GALNT13: variants seen among roughly 807,000 people sequenced by gnomAD.
GALNT13 encodes the protein UDP-GalNAc:polypeptide N-acetylgalactosaminyltransferase 13.
Under a neutral mutation model 64.2 loss-of-function variants are expected in GALNT13, and 28 were observed. The observed-to-expected ratio is 0.44, with a 90% CI of 0.32 to 0.60. GALNT13 has a LOEUF of 0.60. GALNT13 is among the 20% of genes least tolerant of loss of function. GALNT13 has a pLI of 0.05. For missense variants in GALNT13, 577 were observed against 669.8 expected (o/e 0.86, Z 1.53); for synonymous variants, 214 against 224.6 (o/e 0.95, Z 0.42).
the GALNT13 span, among the ~76,000 whole-genome samples, chr2:153,269,257 G>A: frequency 6.6e-6 from 1 of 152,122 alleles, no homozygotes; most frequent in Admixed American, 6.5e-5. Flanking sequence ...GAATCAGCCA[G>A]GTAACCTCTT....
the GALNT13 span, among the ~76,000 whole-genome samples, chr2:153,735,898 G>C: frequency 6.6e-6 from 1 of 152,144 alleles, no homozygotes; most frequent in Non-Finnish European, 1.5e-5. Context: ...TGTTAACTCT[G>C]ATCACTGATC....
chr2:153,778,402 G>A, the GALNT13 span, among the ~76,000 whole-genome samples: 827 of 152,240 alleles, frequency 5.4e-3, 28 homozygotes, highest in South Asian at 0.11. Flanking sequence ...CAGGGACCAC[G>A]CCCTCCTCTA....
At chr2:154,303,291 A>C (rs1001509462) in intron 9 of GALNT13, among the ~76,000 whole-genome samples, 1 of 152,006 alleles carries the variant, frequency 6.6e-6, no homozygotes, top group Admixed American at 6.6e-5. Flanking sequence ...GGGCTGATTT[A>C]CTGGGGCCCA....
chr2:153,591,996 G>T, the GALNT13 span, among the ~76,000 whole-genome samples: 2,108 of 151,728 alleles, frequency 0.014, 59 homozygotes, highest in African/African-American at 0.048. Context: ...AAAAATAATA[G>T]CCTTAGAAAG....
chr2:153,857,505 G>A, the GALNT13 span, among the ~76,000 whole-genome samples: 1 of 152,138 alleles, frequency 6.6e-6, no homozygotes, highest in Non-Finnish European at 1.5e-5. Flanking sequence ...TGTGAGAGAA[G>A]CAACAGGGCC....
At chr2:153,282,679 C>G in the GALNT13 span, among the ~76,000 whole-genome samples, 6 of 152,158 alleles carry the variant, frequency 3.9e-5, no homozygotes, top group Admixed American at 6.5e-5. Flanking sequence ...GCCTCCCAAA[C>G]TGTTAGAATT....
the GALNT13 span, among the ~76,000 whole-genome samples, chr2:153,203,413 T>A: frequency 1.3e-5 from 2 of 152,178 alleles, no homozygotes; most frequent in Non-Finnish European, 2.9e-5. Flanking sequence ...TAGTTTAACA[T>A]TATTGAACAC....
chr2:153,348,229 C>T, the GALNT13 span, among the ~76,000 whole-genome samples: 5 of 152,238 alleles, frequency 3.3e-5, no homozygotes, highest in East Asian at 9.7e-4. Context: ...GCACGTTTCC[C>T]AATACCCTTA....
the GALNT13 span, among the ~76,000 whole-genome samples, chr2:153,271,970 A>G: frequency 6.6e-6 from 1 of 152,210 alleles, no homozygotes; most frequent in Non-Finnish European, 1.5e-5. Flanking sequence ...TCAAACATCT[A>G]CAACCATCTG....
At chr2:153,660,163 G>A in the GALNT13 span, among the ~76,000 whole-genome samples, 1 of 152,116 alleles carries the variant, frequency 6.6e-6, no homozygotes, top group Non-Finnish European at 1.5e-5. Context: ...TGACCAGTAG[G>A]AACTGAAAGC....
chr2:153,619,619 G>A, the GALNT13 span, among the ~76,000 whole-genome samples: 2 of 152,046 alleles, frequency 1.3e-5, no homozygotes, highest in Non-Finnish European at 2.9e-5. Context: ...GACTTTGGAA[G>A]TATCCCATCT....
the GALNT13 span, among the ~76,000 whole-genome samples, chr2:153,221,704 G>A: frequency 5.3e-5 from 8 of 152,072 alleles, no homozygotes; most frequent in East Asian, 1.6e-3. Context: ...AGGATGTGTG[G>A]GGCCAGCGAG....
the GALNT13 span, among the ~76,000 whole-genome samples, chr2:153,609,296 T>C: frequency 6.6e-6 from 1 of 152,160 alleles, no homozygotes; most frequent in African/African-American, 2.4e-5. Flanking sequence ...AACCTCTACC[T>C]TTTTCTGACA....
chr2:153,504,650 T>G, the GALNT13 span, among the ~76,000 whole-genome samples: 6 of 152,232 alleles, frequency 3.9e-5, no homozygotes, highest in Non-Finnish European at 5.9e-5. Context: ...ATCATATGAT[T>G]TTTGTTTTTA....
the GALNT13 span, among the ~76,000 whole-genome samples, chr2:153,317,017 T>C: frequency 6.6e-6 from 1 of 152,196 alleles, no homozygotes; most frequent in African/African-American, 2.4e-5. Context: ...TGGAACAAGA[T>C]AGGTACAAAT....
chr2:154,332,117 C>T lies in GALNT13; in HGVS notation c.1156+30528C>T, dbSNP rs557488569. On this transcript the variant is annotated intron_variant, in intron 9 of 12. Transcript: ENST00000392825. ...ATACATGGATAGCAATCCAGACACACTTAGCCTCTGTATCTTTATATACCC... is the reference window on the plus strand; with the variant it reads ...ATACATGGATAGCAATCCAGACACATTTAGCCTCTGTATCTTTATATACCC... Among the ~76,000 whole-genome samples, 17 of 152,248 alleles carry T rather than the reference C, an allele frequency of 1.1e-4. No homozygotes were observed. In the East Asian group the frequency reaches 1.7e-3, roughly 16 times the overall value.
At chr2:154,331,952 G>T (rs1467820216) in intron 9 of GALNT13, among the ~76,000 whole-genome samples, 1 of 152,072 alleles carries the variant, frequency 6.6e-6, no homozygotes, top group African/African-American at 2.4e-5. Context: ...AAATTCATTT[G>T]ACTGGTTTGA....
chr2:153,207,994 G>A, the GALNT13 span: 2 of 152,032 alleles, frequency 1.3e-5, no homozygotes, highest in Admixed American at 6.6e-5. Context: ...AAACATCCAG[G>A]TAAGTAGACA....
chr2:154,106,003 T>C (rs1702594796), intron 3 of GALNT13, among the ~76,000 whole-genome samples: 1 of 152,300 alleles, frequency 6.6e-6, no homozygotes, highest in East Asian at 1.9e-4. Context: ...AAGAGACTTA[T>C]GTTAGTCTTT....
Sources: allele counts gnomAD v4.1 joint callset (sites outside exome capture counted in the v4.1 genomes callset), GRCh38; gene constraint gnomAD v4.1.1; transcripts MANE v1.5; gene names NCBI Gene and HGNC (gene_info 2026-07-23, HGNC 2026-07-21).